Variants in ZNF678 observed in about 807,000 individuals in gnomAD.
The protein encoded by ZNF678 is zinc finger protein 678.
Under a neutral mutation model 3.0 loss-of-function variants are expected in ZNF678, and 5 were observed. That is an observed-to-expected ratio of 1.69 (90% CI 0.88 to 3.56). ZNF678 has a LOEUF of 3.56. Among genes scored for constraint, ZNF678 ranks in the 30% most tolerant of loss-of-function variants. ZNF678 has a pLI of 0.00. For missense variants in ZNF678, 593 were observed against 605.0 expected, an observed-to-expected ratio of 0.98 and a Z score of 0.21; for synonymous variants, 218 against 199.6, an observed-to-expected ratio of 1.09 and a Z score of -0.78.
In ZNF678 at chr1:227,658,951, C is replaced by T. The variant is rs1659327406; in HGVS notation, c.*3123C>T. On this transcript the variant is annotated 3_prime_UTR_variant, in exon 4 of 4. Transcript: ENST00000343776. ...AAGAAACATCAGAATTTGGAAACCC[C>T]TTAAGCAAAAATATATCTTAGAAAT... The T allele has an allele frequency of 6.6e-6, 1 of 151,876 alleles. No individual in the cohort carries two copies. The highest frequency in any genetic ancestry group is 2.1e-4 in the South Asian group (1 of 4,822). The allele number at this position is 151,876 out of a possible 1,614,324, so 9.4% of individuals were successfully genotyped here.
chr1:227,623,605 A>G (rs1377681896), intron 1 of ZNF678, among the ~76,000 whole-genome samples: 2 of 152,186 alleles, frequency 1.3e-5, no homozygotes, highest in Admixed American at 1.3e-4. Flanking sequence ...ATATACATAA[A>G]CCATTTTTGA....
intron 2 of ZNF678, among the ~76,000 whole-genome samples, chr1:227,649,371 A>G (rs1659034876): frequency 6.6e-6 from 1 of 152,188 alleles, no homozygotes; most frequent in South Asian, 2.1e-4. Context: ...TGTGTTTGAG[A>G]TGGAGTTTTG....
In ZNF678 at chr1:227,604,343, T is replaced by C. The variant is rs565227584; in HGVS notation, c.-164+40619T>C. 5.9e-5 allele frequency among the ~76,000 whole-genome samples: 9 copies of C among 152,342 alleles called. No individual in the cohort carries two copies. The East Asian group carries it at 1.7e-3, about 29-fold the overall frequency. ...TTACATCTCTGCCAATGCTTACTTT[T>C]GTTTGTTGTTAAATCATTCTACTGC... On this transcript the variant is annotated intron_variant, in intron 1 of 3. Coordinates refer to ENST00000343776, the MANE Select transcript of ZNF678 (RefSeq NM_001367909.1).
intron 1 of ZNF678, among the ~76,000 whole-genome samples, chr1:227,611,535 CAAG>C (rs1403593257): frequency 1.3e-5 from 2 of 152,180 alleles, no homozygotes; most frequent in Non-Finnish European, 2.9e-5. Flanking sequence ...AGGCCACTCA[CAAG>C]ACATTCACCT....
chr1:227,671,286 C>T (rs909739651), intron 5 of ZNF678, among the ~76,000 whole-genome samples: 5 of 151,722 alleles, frequency 3.3e-5, no homozygotes, highest in African/African-American at 9.7e-5. Flanking sequence ...TGCCATGTTG[C>T]CCATGCTAGA....
intron 1 of ZNF678, among the ~76,000 whole-genome samples, chr1:227,613,698 A>T (rs1379908228): frequency 6.6e-6 from 1 of 152,140 alleles, no homozygotes; most frequent in Non-Finnish European, 1.5e-5. Flanking sequence ...AGCACTTCTC[A>T]TTCAGGGCCT....
At chr1:227,649,649 C>T (rs559142482) in intron 2 of ZNF678, among the ~76,000 whole-genome samples, 7 of 152,268 alleles carry the variant, frequency 4.6e-5, no homozygotes, top group South Asian at 2.1e-4. Flanking sequence ...TGCGCTTAGC[C>T]GGTTTCTTCA....
downstream of ZNF678, among the ~76,000 whole-genome samples, chr1:227,678,246 G>A (rs369792736): frequency 1.6e-4 from 25 of 152,296 alleles, no homozygotes; most frequent in East Asian, 2.1e-3. Context: ...ACTGCTGTGG[G>A]ATGACCTTGG....
intron 1 of ZNF678, among the ~76,000 whole-genome samples, chr1:227,631,274 C>T (rs193151430): frequency 0.01 from 1,564 of 152,250 alleles, 12 homozygotes; most frequent in Non-Finnish European, 0.017. Context: ...CTCTGCTTAT[C>T]GGATTAGTTA....
chr1:227,611,411 C>T (rs972405240), intron 1 of ZNF678, among the ~76,000 whole-genome samples: 1 of 152,166 alleles, frequency 6.6e-6, no homozygotes, highest in African/African-American at 2.4e-5. Flanking sequence ...AATCAGCCTC[C>T]CTCACTCACT....
chr1:227,677,443 C>G (rs1007896234), exon 6 of ZNF678: 3 of 152,264 alleles, frequency 2.0e-5, no homozygotes. Context: ...CATGGGTCAC[C>G]TGAGGAACCC....
intron 1 of ZNF678, among the ~76,000 whole-genome samples, chr1:227,604,105 T>C (rs968863055): frequency 2.0e-5 from 3 of 152,238 alleles, no homozygotes; most frequent in Non-Finnish European, 4.4e-5. Context: ...CATTTGAGTA[T>C]TTCCATTTTT....
At chr1:227,588,130 A>G (rs536039837) in intron 1 of ZNF678, among the ~76,000 whole-genome samples, 3 of 151,458 alleles carry the variant, frequency 2.0e-5, no homozygotes, top group Admixed American at 6.6e-5. Context: ...ATGGTTTCCA[A>G]CTCCATCCGT....
chr1:227,669,630 C>T (rs985341576), intron 5 of ZNF678, among the ~76,000 whole-genome samples: 12 of 138,562 alleles, frequency 8.7e-5, no homozygotes, highest in Non-Finnish European at 1.7e-4. Flanking sequence ...GCCTGGGAGA[C>T]AGAGCGAGAC....
intron 1 of ZNF678, among the ~76,000 whole-genome samples, chr1:227,565,054 CTTTTTTTTTTTT>C (rs56226010): frequency 5.8e-4 from 19 of 32,738 alleles, no homozygotes; most frequent in East Asian, 1.3e-3. Flanking sequence ...CCCTACCCGG[CTTTTTTTTTTTT>C]TTTTTTTTTT....
chr1:227,574,391 T>G (rs1656936788), intron 1 of ZNF678, among the ~76,000 whole-genome samples: 2 of 152,246 alleles, frequency 1.3e-5, no homozygotes, highest in South Asian at 4.1e-4. Flanking sequence ...TATGTCATTG[T>G]GGTTTTCATT....
chr1:227,606,605 C>T (rs1483900325), intron 1 of ZNF678, among the ~76,000 whole-genome samples: 6 of 152,090 alleles, frequency 3.9e-5, no homozygotes, highest in African/African-American at 7.2e-5. Context: ...AGACCCTTTA[C>T]GGGTGTTGGG....
At chr1:227,593,851 T>C in intron 1 of ZNF678, among the ~76,000 whole-genome samples, 1 of 121,142 alleles carries the variant, frequency 8.3e-6, no homozygotes, top group Admixed American at 9.0e-5. Flanking sequence ...GTGTTATGAG[T>C]CCATCCCCCC....
At chr1:227,570,458 C>T (rs1308787409) in intron 1 of ZNF678, among the ~76,000 whole-genome samples, 2 of 152,114 alleles carry the variant, frequency 1.3e-5, no homozygotes, top group Admixed American at 1.3e-4. Flanking sequence ...ATCAAAGGGC[C>T]TGTCTTCTCA....
Sources: gnomAD v4.1 joint callset for allele counts (sites outside exome capture counted in the v4.1 genomes callset) on GRCh38, gnomAD v4.1.1 for gene constraint, MANE v1.5 for transcripts, NCBI Gene and HGNC (gene_info 2026-07-23, HGNC 2026-07-21) for gene names.